The following XKR9 variants were observed in gnomAD, a reference collection of about 807,000 sequenced individuals.
The protein encoded by XKR9 is XK related 9.
XKR9 carries 32 observed loss-of-function variants against 32.0 expected under a neutral mutation model. The observed-to-expected ratio is 1.00, with a 90% CI of 0.76 to 1.34. The LOEUF is 1.34. Among genes scored for constraint, XKR9 ranks in the 40% most tolerant of loss-of-function variants. The pLI is 0.00. For synonymous variants in XKR9, 168 were observed against 143.4 expected, an observed-to-expected ratio of 1.17 and a Z score of -1.22; for missense variants, 546 against 429.7, an observed-to-expected ratio of 1.27 and a Z score of -2.39.
chr8:70,921,532 A>G, the XKR9 span, among the ~76,000 whole-genome samples: 1 of 152,194 alleles, frequency 6.6e-6, no homozygotes, highest in African/African-American at 2.4e-5. Flanking sequence ...CTTAATATCC[A>G]GCTCATTTCT....
intron 4 of XKR9, among the ~76,000 whole-genome samples, chr8:70,726,026 T>C (rs1319194323): frequency 6.6e-6 from 1 of 152,214 alleles, no homozygotes; most frequent in Admixed American, 6.5e-5. Flanking sequence ...ATCTAACTTG[T>C]TATAATGTGT....
chr8:70,677,328 T>C (rs1818919056), intron 2 of XKR9, among the ~76,000 whole-genome samples: 1 of 151,900 alleles, frequency 6.6e-6, no homozygotes, highest in Non-Finnish European at 1.5e-5. Flanking sequence ...GTATTTTTTT[T>C]GTAGAGGTGG....
chr8:70,710,147 AC>A (rs1342489932), intron 4 of XKR9, among the ~76,000 whole-genome samples: 1 of 152,114 alleles, frequency 6.6e-6, no homozygotes, highest in Non-Finnish European at 1.5e-5. Flanking sequence ...CATACCTACA[AC>A]CATCTGATCT....
the XKR9 span, among the ~76,000 whole-genome samples, chr8:70,796,095 A>C: frequency 6.6e-6 from 1 of 151,334 alleles, no homozygotes; most frequent in African/African-American, 2.4e-5. Context: ...TCAGGAGTAC[A>C]TGTGCAGGTT....
downstream of XKR9, among the ~76,000 whole-genome samples, chr8:70,793,110 G>A (rs1261592889): frequency 1.3e-5 from 2 of 152,038 alleles, no homozygotes; most frequent in Non-Finnish European, 2.9e-5. Context: ...GTTGTATATG[G>A]TGTGAGGTAG....
chr8:70,869,042 A>T, the XKR9 span, among the ~76,000 whole-genome samples: 1 of 152,174 alleles, frequency 6.6e-6, no homozygotes. Context: ...CCTCATTTTC[A>T]TCCGAGACCA....
At chr8:70,686,424 T>C (rs1819281057) in intron 3 of XKR9, among the ~76,000 whole-genome samples, 1 of 151,142 alleles carries the variant, frequency 6.6e-6, no homozygotes. Flanking sequence ...TATATATATA[T>C]ATATATATTT....
the XKR9 span, among the ~76,000 whole-genome samples, chr8:71,000,632 A>T: frequency 6.6e-6 from 1 of 152,210 alleles, no homozygotes; most frequent in Non-Finnish European, 1.5e-5. Flanking sequence ...ATGTCTTATG[A>T]TTAGAGAGTA....
At chr8:70,846,595 A>G in the XKR9 span, among the ~76,000 whole-genome samples, 1 of 152,100 alleles carries the variant, frequency 6.6e-6, no homozygotes, top group African/African-American at 2.4e-5. Flanking sequence ...GGCTGAATGA[A>G]TTAAAAAAAC....
the XKR9 span, among the ~76,000 whole-genome samples, chr8:71,035,786 C>T: frequency 6.6e-6 from 1 of 152,158 alleles, no homozygotes. Context: ...GAAGATCTCT[C>T]TGACCTTCTC....
chr8:70,977,521 C>T, the XKR9 span, among the ~76,000 whole-genome samples: 5 of 152,206 alleles, frequency 3.3e-5, no homozygotes, highest in Admixed American at 3.3e-4. Flanking sequence ...ACATTTTTCT[C>T]AGTTTCCATG....
At chr8:70,802,771 G>C in the XKR9 span, among the ~76,000 whole-genome samples, 1 of 152,288 alleles carries the variant, frequency 6.6e-6, no homozygotes, top group East Asian at 1.9e-4. Flanking sequence ...TTCTTGGTTA[G>C]AATTTATTTT....
the XKR9 span, among the ~76,000 whole-genome samples, chr8:70,949,959 G>A: frequency 6.6e-6 from 1 of 152,150 alleles, no homozygotes; most frequent in African/African-American, 2.4e-5. Context: ...CTAGTAAGTA[G>A]CAGTGCCTGC....
chr8:70,814,495 A>G, the XKR9 span, among the ~76,000 whole-genome samples: 1 of 151,378 alleles, frequency 6.6e-6, no homozygotes, highest in Admixed American at 6.6e-5. Context: ...GCAGGACAGA[A>G]AAAAAAAACT....
chr8:70,962,333 A>G, the XKR9 span, among the ~76,000 whole-genome samples: 110 of 152,254 alleles, frequency 7.2e-4, 1 homozygote, highest in African/African-American at 2.5e-3. Flanking sequence ...CCAGTACCCA[A>G]TAGTTTTTCA....
the XKR9 span, among the ~76,000 whole-genome samples, chr8:70,814,343 AATG>A: frequency 6.6e-6 from 1 of 152,088 alleles, no homozygotes; most frequent in African/African-American, 2.4e-5. Context: ...CCTAATGCTA[AATG>A]ATGAGTTAGT....
At chr8:70,979,160 C>T in the XKR9 span, among the ~76,000 whole-genome samples, 1 of 152,146 alleles carries the variant, frequency 6.6e-6, no homozygotes, top group Non-Finnish European at 1.5e-5. Context: ...AGGTTGTTAG[C>T]TTCCTTGTGA....
At chr8:70,785,048 C>G (rs1807664629) in intron 2 of XKR9, among the ~76,000 whole-genome samples, 1 of 151,698 alleles carries the variant, frequency 6.6e-6, no homozygotes, top group Non-Finnish European at 1.5e-5. Context: ...AGTGTTACTT[C>G]TTTTTTGATT....
intron 2 of XKR9, among the ~76,000 whole-genome samples, chr8:70,786,843 C>T (rs1490397556): frequency 6.6e-6 from 1 of 152,038 alleles, no homozygotes; most frequent in Non-Finnish European, 1.5e-5. Flanking sequence ...TACATTTGTT[C>T]TTTCCTCCTG....
Sources: allele counts gnomAD v4.1 joint callset (sites outside exome capture counted in the v4.1 genomes callset), GRCh38; gene constraint gnomAD v4.1.1; transcripts MANE v1.5; gene names NCBI Gene and HGNC (gene_info 2026-07-23, HGNC 2026-07-21).